Variants in PRKG1 observed in about 807,000 individuals in gnomAD.
PRKG1 encodes protein kinase cGMP-dependent 1, also known as cGMP-dependent protein kinase 1.
In PRKG1, 35 loss-of-function variants were observed where a neutral mutation model predicts 88.1. The ratio of observed to expected loss-of-function variants is 0.40; its 90% CI spans 0.30 to 0.53. The LOEUF (loss-of-function observed/expected upper bound fraction) is 0.53. Among genes scored for constraint, PRKG1 ranks in the 20% least tolerant of loss-of-function variants. PRKG1 has a pLI of 0.59. For missense variants in PRKG1, 540 were observed against 839.8 expected, an observed-to-expected ratio of 0.64 and a Z score of 4.41; for synonymous variants, 303 against 292.5, an observed-to-expected ratio of 1.04 and a Z score of -0.37.
chr10:51,788,045 C>T lies in PRKG1; in HGVS notation c.593-16540C>T, dbSNP rs192174403. Among the ~76,000 whole-genome samples, 3 of 152,250 alleles carry T rather than the reference C, an allele frequency of 2.0e-5. No homozygotes were observed. In the East Asian group the frequency reaches 5.8e-4, roughly 29 times the overall value. ...ACTCTGAGTATCATTGTGTTGTACA[C>T]TCACAATTGGTGCTATTGTGTGGAG... On this transcript the variant is annotated intron_variant, in intron 3 of 17. Transcript: ENST00000373980.
At chr10:52,208,168 T>C (rs1839870730) in intron 9 of PRKG1, among the ~76,000 whole-genome samples, 2 of 152,212 alleles carry the variant, frequency 1.3e-5, no homozygotes, top group South Asian at 2.1e-4. Context: ...ATAGTTATGA[T>C]CTTGTTATAG....
chr10:52,006,078 GAAAAC>G (rs946437223), intron 5 of PRKG1, among the ~76,000 whole-genome samples: 1 of 132,048 alleles, frequency 7.6e-6, no homozygotes. Flanking sequence ...TAAGATAAAA[GAAAAC>G]AAAACAAACA....
At chr10:51,561,567 G>T (rs1436515023) in intron 3 of PRKG1, among the ~76,000 whole-genome samples, 2 of 151,424 alleles carry the variant, frequency 1.3e-5, no homozygotes, top group East Asian at 1.9e-4. Context: ...ACTCAGCAAA[G>T]AATAGAAAGT....
chr10:51,611,514 G>A (rs1838908603), intron 3 of PRKG1, among the ~76,000 whole-genome samples: 1 of 150,376 alleles, frequency 6.6e-6, no homozygotes, highest in African/African-American at 2.4e-5. Flanking sequence ...GTTTCTTTGT[G>A]TATTCTGGAT....
At position 51,627,995 on chromosome 10, in the gene PRKG1, TC is replaced by T. The variant is rs1564579796; in HGVS notation, c.592+160160del. ...CTCTTTCTTTCTTTCTTTCTTTCTC[TC>T]TCTCTCTCTCTCTCTTTCTTTCTTT... On this transcript the variant is annotated intron_variant, in intron 3 of 17. Coordinates refer to ENST00000373980, the MANE Select transcript of PRKG1 (RefSeq NM_006258.4). Among the ~76,000 whole-genome samples, 389 of 44,086 alleles carry T rather than the reference TC, an allele frequency of 8.8e-3. 5 individuals carry two copies. The highest frequency in any genetic ancestry group is 0.018 in the African/African-American group (277 of 15,758). The allele number at this position is 44,086 out of a possible 152,430, so 28.9% of individuals were successfully genotyped here.
intron 5 of PRKG1, among the ~76,000 whole-genome samples, chr10:52,045,497 T>C (rs1026808522): frequency 6.6e-6 from 1 of 152,126 alleles, no homozygotes; most frequent in African/African-American, 2.4e-5. Flanking sequence ...GAGGAATGTT[T>C]CATCCAGGGT....
intron 9 of PRKG1, among the ~76,000 whole-genome samples, chr10:52,211,352 C>T (rs1031396348): frequency 5.3e-5 from 8 of 152,202 alleles, no homozygotes; most frequent in South Asian, 2.1e-4. Flanking sequence ...AGAAATTTTT[C>T]GCAACTAATT....
At chr10:51,737,728 T>A (rs1454326714) in intron 3 of PRKG1, among the ~76,000 whole-genome samples, 3 of 111,534 alleles carry the variant, frequency 2.7e-5, no homozygotes, top group African/African-American at 1.2e-4. Flanking sequence ...TTTATTTATT[T>A]ATTTATTTAT....
intron 1 of PRKG1, among the ~76,000 whole-genome samples, chr10:51,130,533 T>A (rs1845538174): frequency 6.6e-6 from 1 of 152,238 alleles, no homozygotes; most frequent in Non-Finnish European, 1.5e-5. Flanking sequence ...TTATATCCTG[T>A]ATCTTTAACA....
rs116612646 is a variant in PRKG1, at chr10:51,679,099, G to A, written c.593-125486G>A. ...AAGACAAGGTCTCTGACATTTAGAT[G>A]TTATTCCTCCCTTATTTTTAACTGT... On this transcript the variant is annotated intron_variant, in intron 3 of 17. Coordinates refer to ENST00000373980, the MANE Select transcript of PRKG1 (RefSeq NM_006258.4). Among the ~76,000 whole-genome samples, 119 of 152,298 alleles carry A rather than the reference G, an allele frequency of 7.8e-4. 1 individual carries two copies. The highest frequency in any genetic ancestry group is 2.7e-3 in the African/African-American group (112 of 41,572).
chr10:51,121,202 C>T (rs113278209), intron 1 of PRKG1, among the ~76,000 whole-genome samples: 51 of 152,238 alleles, frequency 3.4e-4, no homozygotes, highest in African/African-American at 1.1e-3. Flanking sequence ...AATGTTCATA[C>T]TCTTCATTAC....
intron 3 of PRKG1, among the ~76,000 whole-genome samples, chr10:51,652,052 T>G (rs957685201): frequency 6.6e-6 from 1 of 152,188 alleles, no homozygotes; most frequent in African/African-American, 2.4e-5. Flanking sequence ...TTTAAATTTG[T>G]CTATGTATTT....
intron 5 of PRKG1, among the ~76,000 whole-genome samples, chr10:52,048,644 C>T (rs936375172): frequency 1.1e-4 from 17 of 152,080 alleles, no homozygotes; most frequent in African/African-American, 2.2e-4. Flanking sequence ...ATTCTGAGAA[C>T]GCAAAGGCAC....
intron 2 of PRKG1, among the ~76,000 whole-genome samples, chr10:51,315,776 G>A (rs569448783): frequency 2.6e-5 from 4 of 152,292 alleles, no homozygotes; most frequent in Non-Finnish European, 4.4e-5. Flanking sequence ...AGTTATGCAC[G>A]GGGATTTGAG....
intron 9 of PRKG1, among the ~76,000 whole-genome samples, chr10:52,244,675 TA>T (rs1564530143): frequency 1.4e-5 from 2 of 144,986 alleles, no homozygotes; most frequent in African/African-American, 5.0e-5. Flanking sequence ...AAATATTTAT[TA>T]TTATATATTA....
At chr10:52,189,907 G>A (rs1314445512) in intron 9 of PRKG1, among the ~76,000 whole-genome samples, 1 of 152,194 alleles carries the variant, frequency 6.6e-6, no homozygotes, top group Non-Finnish European at 1.5e-5. Context: ...CTTTAATAAT[G>A]AGTATTCTCA....
intron 3 of PRKG1, among the ~76,000 whole-genome samples, chr10:51,691,508 G>T (rs760264971): frequency 7.9e-5 from 12 of 151,908 alleles, no homozygotes; most frequent in Non-Finnish European, 1.6e-4. Flanking sequence ...TAGAGACAGG[G>T]TTTCACCATG....
intron 3 of PRKG1, among the ~76,000 whole-genome samples, chr10:51,701,382 A>G (rs1216579455): frequency 6.6e-6 from 1 of 152,216 alleles, no homozygotes; most frequent in Non-Finnish European, 1.5e-5. Context: ...TGCAAATAAG[A>G]CATCCATTTA....
intron 5 of PRKG1, among the ~76,000 whole-genome samples, chr10:51,934,340 A>C (rs1273900594): frequency 6.6e-6 from 1 of 151,684 alleles, no homozygotes; most frequent in Non-Finnish European, 1.5e-5. Flanking sequence ...ATGTGCATTA[A>C]GGAACAATTC....
Sources: allele counts gnomAD v4.1 joint callset (sites outside exome capture counted in the v4.1 genomes callset), GRCh38; gene constraint gnomAD v4.1.1; transcripts MANE v1.5; gene names NCBI Gene and HGNC (gene_info 2026-07-23, HGNC 2026-07-21).